The following BATF3 variants were observed in gnomAD, a reference collection of about 807,000 sequenced individuals.
BATF3 encodes the protein basic leucine zipper ATF-like transcription factor 3.
Under a neutral mutation model 16.1 loss-of-function variants are expected in BATF3, and 8 were observed. The ratio of observed to expected loss-of-function variants is 0.50; its 90% CI spans 0.29 to 0.90. The LOEUF is 0.90. BATF3 is among the 40% of genes least tolerant of loss of function. The pLI is 0.08. For missense variants in BATF3, 139 were observed against 167.0 expected, an observed-to-expected ratio of 0.83 and a Z score of 0.92; for synonymous variants, 74 against 72.7, an observed-to-expected ratio of 1.02 and a Z score of -0.09.
intron 2 of BATF3, among the ~76,000 whole-genome samples, chr1:212,691,950 G>T (rs1657008456): frequency 6.6e-6 from 1 of 152,220 alleles, no homozygotes; most frequent in Non-Finnish European, 1.5e-5. Flanking sequence ...CGGGTTGAAG[G>T]GATGATTTGA....
intron 2 of BATF3, chr1:212,687,394 T>C (rs1459583510): frequency 5.8e-6 from 1 of 173,310 alleles, no homozygotes; most frequent in East Asian, 1.5e-4. Context: ...ACCTGGAACA[T>C]AACAAATGTT....
Position 212,687,996 on chromosome 1 carries a change from AAAGGAAGGAAGG to A in BATF3, c.196-1029_196-1018del, listed in dbSNP as rs150731119. 3.8e-3 allele frequency among the ~76,000 whole-genome samples: 389 copies of A among 101,280 alleles called. 5 individuals are homozygous for A. The highest frequency in any genetic ancestry group is 6.4e-3 in the Non-Finnish European group (297 of 46,278). The allele number at this position is 101,280 out of a possible 152,430, so 66.4% of individuals were successfully genotyped here. ...GAAAGAAAGAAAGAAAGAAAGAAAGAAAGGAAGGAAGGAAGGAAGGAAGGAAGGAAGGAAGGA... is the reference window on the plus strand; with the variant it reads ...GAAAGAAAGAAAGAAAGAAAGAAAGAAAGGAAGGAAGGAAGGAAGGAAGGA... On this transcript the variant is annotated intron_variant, in intron 2 of 2. Transcript: ENST00000243440.
chr1:212,699,613 C>T lies in BATF3; in HGVS notation c.90+60G>A. The T allele has an allele frequency of 1.6e-6, 2 of 1,233,208 alleles. No homozygotes were observed. The highest frequency in any genetic ancestry group is 2.0e-6 in the Non-Finnish European group (2 of 978,572). 76.4% of individuals were successfully genotyped at this position (1,233,208 alleles called of 1,614,324 possible). A position where few individuals can be genotyped will look rare whatever the true frequency, so the allele number is the denominator to read the frequency against. On this transcript the variant is annotated intron_variant, in intron 1 of 2. Transcript: ENST00000243440. This position sits in a 1 kb window ranked among gnomAD's most constrained non-coding sequence, Gnocchi z 4.4. ...CGGAACTCCAGCACCCACCTCCTCG[C>T]CCCCCGCGGCGCGCCGGTCCCCGCA...
chr1:212,690,307 T>C (rs1250611628), intron 2 of BATF3, among the ~76,000 whole-genome samples: 1 of 152,222 alleles, frequency 6.6e-6, no homozygotes, highest in Non-Finnish European at 1.5e-5. Context: ...CGCAGCCCTG[T>C]GGCCTGAGGC....
chr1:212,699,778 G>A lies in BATF3; in HGVS notation c.-16C>T. 1 of 1,212,570 alleles carries A rather than the reference G, an allele frequency of 8.2e-7. No homozygotes were observed. Among genetic ancestry groups the A allele is most frequent in the Non-Finnish European group, 1.0e-6 (1 of 973,828 alleles). 75.1% of individuals were successfully genotyped at this position (1,212,570 alleles called of 1,614,324 possible). On this transcript the variant is annotated 5_prime_UTR_variant, in exon 1 of 3. Coordinates refer to ENST00000243440, the MANE Select transcript of BATF3 (RefSeq NM_018664.3). This position sits in a 1 kb window ranked among gnomAD's most constrained non-coding sequence, Gnocchi z 4.4. ...CTTGCGACATGCCGGGCGCTCCTCT[G>A]GCCCGGCCCGCCCCGCCCCGCCCGC...
At chr1:212,696,483 GTGTT>G (rs1219598143) in intron 2 of BATF3, among the ~76,000 whole-genome samples, 1 of 151,962 alleles carries the variant, frequency 6.6e-6, no homozygotes, top group Non-Finnish European at 1.5e-5. Context: ...GTGAATGTGT[GTGTT>G]TGTTTGTGTG....
chr1:212,696,413 GT>G (rs1657128779), intron 2 of BATF3, among the ~76,000 whole-genome samples: 1 of 143,056 alleles, frequency 7.0e-6, no homozygotes, highest in Non-Finnish European at 1.6e-5. Flanking sequence ...AATGGGAGCA[GT>G]TTCTGTAGGG....
chr1:212,687,996 A>AAAGGAAGGAAGG lies in BATF3; in HGVS notation c.196-1029_196-1018dup, dbSNP rs150731119. Among the ~76,000 whole-genome samples the AAAGGAAGGAAGG allele has an allele frequency of 7.9e-5, 8 of 101,334 alleles. No homozygotes were observed. The East Asian group carries it at 1.2e-3, about 16-fold the overall frequency. 66.5% of individuals were successfully genotyped at this position (101,334 alleles called of 152,430 possible). Reference sequence around the variant, plus strand: ...GAAAGAAAGAAAGAAAGAAAGAAAGAAAGGAAGGAAGGAAGGAAGGAAGGA... The same window carrying AAAGGAAGGAAGG: ...GAAAGAAAGAAAGAAAGAAAGAAAGAAAGGAAGGAAGGAAGGAAGGAAGGAAGGAAGGAAGGA... On this transcript the variant is annotated intron_variant, in intron 2 of 2. Transcript: ENST00000243440.
intron 2 of BATF3, among the ~76,000 whole-genome samples, chr1:212,695,313 T>C (rs1189837461): frequency 6.6e-6 from 1 of 151,546 alleles, no homozygotes; most frequent in African/African-American, 2.4e-5. Flanking sequence ...GCCAACATGG[T>C]GAAACCCCAT....
chr1:212,686,438 G>C lies in BATF3; in HGVS notation c.*353C>G. On this transcript the variant is annotated 3_prime_UTR_variant, in exon 3 of 3. Transcript: ENST00000243440. Reference sequence around the variant, plus strand: ...CCTCTCCAGGAAAAGGAAGTGTATTGTGCCTGTAAATTCCCAGAACTGGAG... The same window carrying C: ...CCTCTCCAGGAAAAGGAAGTGTATTCTGCCTGTAAATTCCCAGAACTGGAG... The C allele has an allele frequency of 4.3e-6, 1 of 232,108 alleles. No individual in the cohort carries two copies. Among genetic ancestry groups the C allele is most frequent in the Non-Finnish European group, 8.6e-6 (1 of 116,316 alleles). The allele number at this position is 232,108 out of a possible 1,614,324, so 14.4% of individuals were successfully genotyped here.
intron 2 of BATF3, among the ~76,000 whole-genome samples, chr1:212,693,582 A>T (rs1657053751): frequency 6.6e-6 from 1 of 152,014 alleles, no homozygotes; most frequent in Non-Finnish European, 1.5e-5. Context: ...AACCCACCCC[A>T]TTTCTGAAAA....
chr1:212,699,260 C>CCCA lies in BATF3; in HGVS notation c.90+412_90+413insTGG, dbSNP rs1187437763. Among the ~76,000 whole-genome samples the CCCA allele has an allele frequency of 6.6e-6, 1 of 152,186 alleles. No individual in the cohort carries two copies. The highest frequency in any genetic ancestry group is 1.9e-4 in the East Asian group (1 of 5,194). On this transcript the variant is annotated intron_variant, in intron 1 of 2. Transcript: ENST00000243440. This position sits in a 1 kb window ranked among gnomAD's most constrained non-coding sequence, Gnocchi z 4.4. Reference sequence around the variant, plus strand: ...GTTCTCCATTCCCGCGGCAGCACCCCCCCCACCCGGGGGAATCCTGGAGGG... The same window carrying CCCA: ...GTTCTCCATTCCCGCGGCAGCACCCCCCACCCCACCCGGGGGAATCCTGGAGGG...
At chr1:212,694,140 AAGCCC>A (rs1558021010) in intron 2 of BATF3, among the ~76,000 whole-genome samples, 1 of 152,322 alleles carries the variant, frequency 6.6e-6, no homozygotes, top group East Asian at 1.9e-4. Flanking sequence ...AGGAGACTAC[AAGCCC>A]AGGAACACTG....
intron 1 of BATF3, 27 bp from the exon 2 acceptor site, chr1:212,697,092 A>T: frequency 6.3e-7 from 1 of 1,581,258 alleles, no homozygotes; most frequent in Non-Finnish European, 8.7e-7. Context: ...GGTGGGTGTG[A>T]TGTCGTGGCC....
rs1657200431 is a variant in BATF3 at position 212,699,142 on chromosome 1, G to A, written c.90+531C>T. On this transcript the variant is annotated intron_variant, in intron 1 of 2. Coordinates refer to ENST00000243440, the MANE Select transcript of BATF3 (RefSeq NM_018664.3). This position sits in a 1 kb window ranked among gnomAD's most constrained non-coding sequence, Gnocchi z 4.4. ...TGCGCCGCTGTAAACGTTGCTAGGG[G>A]ACAGCGAACTGGGAAGGGGCAAAGG... 2.0e-5 allele frequency among the ~76,000 whole-genome samples: 3 copies of A among 152,382 alleles called. 1 individual carries two copies. The South Asian group carries it at 6.2e-4, about 32-fold the overall frequency.
At chr1:212,688,136 T>C (rs1656905521) in intron 2 of BATF3, among the ~76,000 whole-genome samples, 1 of 152,196 alleles carries the variant, frequency 6.6e-6, no homozygotes, top group Non-Finnish European at 1.5e-5. Flanking sequence ...CCTGTTGGGT[T>C]TGGTTCCATT....
chr1:212,695,433 G>A (rs1277976568), intron 2 of BATF3, among the ~76,000 whole-genome samples: 1 of 132,764 alleles, frequency 7.5e-6, no homozygotes, highest in Non-Finnish European at 1.5e-5. Context: ...GGCAGAGGTT[G>A]CAGTGAGCTG....
In BATF3 at chr1:212,699,735, T is replaced by C; in HGVS notation, c.28A>G (p.Ser10Gly). ...GCCGCGACGCTCCTCTGCAGGACGC[T>C]GCCGGCGGCCGGGAGCCCTTGCGAC... is the stretch of plus-strand genomic sequence containing the variant. MSQGLPAAG[S>G]VLQRSVAAPG... Residue 10 changes from serine (S) to glycine (G), a missense_variant, in exon 1 of 3, where the codon AGC (serine) becomes GGC (glycine). Transcript: ENST00000243440. This position sits in a 1 kb window ranked among gnomAD's most constrained non-coding sequence, Gnocchi z 4.4. 6.1e-6 allele frequency: 8 copies of C among 1,308,416 alleles called. No individual in the cohort carries two copies. The highest frequency in any genetic ancestry group is 6.8e-6 in the Non-Finnish European group (7 of 1,025,694). 81.1% of individuals were successfully genotyped at this position (1,308,416 alleles called of 1,614,324 possible). A position where few individuals can be genotyped will look rare whatever the true frequency, so the allele number is the denominator to read the frequency against.
At chr1:212,687,281 A>G (rs1388394001) in intron 2 of BATF3, among the ~76,000 whole-genome samples, 1 of 152,222 alleles carries the variant, frequency 6.6e-6, no homozygotes, top group Non-Finnish European at 1.5e-5. Context: ...AATCACTCCA[A>G]AAAGTTCCCC....
Sources: gnomAD v4.1 joint callset for allele counts (sites outside exome capture counted in the v4.1 genomes callset) on GRCh38, gnomAD v4.1.1 for gene constraint, Gnocchi (gnomAD v3.1) non-coding constraint, MANE v1.5 for transcripts, NCBI Gene and HGNC (gene_info 2026-07-23, HGNC 2026-07-21) for gene names.